The following MIS18A variants were observed in gnomAD, a reference collection of about 807,000 sequenced individuals.
The protein encoded by MIS18A is MIS18 kinetochore protein A.
In MIS18A, 14 loss-of-function variants were observed where a neutral mutation model predicts 25.0. That is an observed-to-expected ratio of 0.56 (90% CI 0.37 to 0.88). The LOEUF (loss-of-function observed/expected upper bound fraction) is 0.88, where lower values mean the gene tolerates loss of function less well. Among genes scored for constraint, MIS18A ranks in the 40% least tolerant of loss-of-function variants. The probability of loss-of-function intolerance (pLI) is 0.00; values close to 1 mark genes in which losing one functional copy is unlikely to be tolerated. For missense variants in MIS18A, 292 were observed against 290.8 expected, an observed-to-expected ratio of 1.00 and a Z score of -0.03; for synonymous variants, 134 against 118.6, an observed-to-expected ratio of 1.13 and a Z score of -0.84.
At chr21:32,191,035 G>C in the MIS18A span, among the ~76,000 whole-genome samples, 1 of 152,202 alleles carries the variant, frequency 6.6e-6, no homozygotes, top group East Asian at 1.9e-4. Flanking sequence ...ATTATATTTT[G>C]AATGTGTAAC....
the MIS18A span, among the ~76,000 whole-genome samples, chr21:32,235,248 C>T: frequency 6.6e-6 from 1 of 152,212 alleles, no homozygotes; most frequent in Non-Finnish European, 1.5e-5. Context: ...AGGATCTTCA[C>T]CTGAGGCGGC....
chr21:32,252,880 C>T, the MIS18A span, among the ~76,000 whole-genome samples: 5 of 152,178 alleles, frequency 3.3e-5, no homozygotes, highest in Non-Finnish European at 7.3e-5. Context: ...GCATCGTTGG[C>T]AGACAGGTGG....
the MIS18A span, among the ~76,000 whole-genome samples, chr21:32,236,473 TA>T: frequency 2.3e-3 from 1 of 440 alleles, no homozygotes; most frequent in Non-Finnish European, 5.0e-3. Context: ...GTCAAAAAAA[TA>T]AATTCAAAAT....
the MIS18A span, among the ~76,000 whole-genome samples, chr21:32,161,738 C>A: frequency 1.3e-5 from 2 of 148,422 alleles, no homozygotes; most frequent in Non-Finnish European, 3.0e-5. Context: ...GTGATCTGCC[C>A]ACCTTGGCCT....
chr21:32,222,950 A>AG, the MIS18A span, among the ~76,000 whole-genome samples: 2 of 150,308 alleles, frequency 1.3e-5, no homozygotes, highest in African/African-American at 4.9e-5. Flanking sequence ...AAAAAAAAAA[A>AG]AAAAGAAAGA....
At chr21:32,203,720 G>A in the MIS18A span, among the ~76,000 whole-genome samples, 1 of 145,750 alleles carries the variant, frequency 6.9e-6, no homozygotes, top group Non-Finnish European at 1.5e-5. Context: ...GGGCTCAAGT[G>A]ATCCTCCCAC....
the MIS18A span, among the ~76,000 whole-genome samples, chr21:32,175,965 G>A: frequency 6.6e-6 from 1 of 151,782 alleles, no homozygotes; most frequent in African/African-American, 2.4e-5. Flanking sequence ...ATGAGCCTAG[G>A]CCTACACAGA....
intron 1 of MIS18A, chr21:32,278,462 G>C (rs2031859695): frequency 1.8e-6 from 1 of 557,422 alleles, no homozygotes; most frequent in African/African-American, 2.0e-5. Context: ...CTGCTCTTCT[G>C]GGATCGGGGA....
the MIS18A span, among the ~76,000 whole-genome samples, chr21:32,200,242 G>A: frequency 6.6e-6 from 1 of 152,124 alleles, no homozygotes; most frequent in Non-Finnish European, 1.5e-5. Flanking sequence ...AAAAACAGGC[G>A]CTGGGTCCAG....
the MIS18A span, among the ~76,000 whole-genome samples, chr21:32,217,844 T>C: frequency 6.6e-6 from 1 of 152,060 alleles, no homozygotes; most frequent in Non-Finnish European, 1.5e-5. Flanking sequence ...TATCAACCAA[T>C]AATTTTACAT....
the MIS18A span, among the ~76,000 whole-genome samples, chr21:32,235,226 C>T: frequency 6.6e-6 from 1 of 152,198 alleles, no homozygotes; most frequent in African/African-American, 2.4e-5. Context: ...GAATTGTCTT[C>T]AGCGGAATTG....
chr21:32,233,382 G>C, the MIS18A span, among the ~76,000 whole-genome samples: 5 of 151,670 alleles, frequency 3.3e-5, no homozygotes, highest in Admixed American at 2.6e-4. Context: ...CCGTGTAATC[G>C]TAAGAATCTA....
At chr21:32,178,563 G>C in the MIS18A span, among the ~76,000 whole-genome samples, 1 of 152,040 alleles carries the variant, frequency 6.6e-6, no homozygotes, top group Non-Finnish European at 1.5e-5. Flanking sequence ...TTTGAAGACA[G>C]AGTATCTTAA....
the MIS18A span, among the ~76,000 whole-genome samples, chr21:32,226,851 C>A: frequency 6.6e-6 from 1 of 152,026 alleles, no homozygotes; most frequent in East Asian, 1.9e-4. Context: ...AGACAAGTTT[C>A]AATAAATTTA....
At position 32,274,835 on chromosome 21, in the gene MIS18A, A is replaced by T; in HGVS notation, c.396T>A (p.Asn132Lys). 3 of 1,611,118 alleles carry T rather than the reference A, an allele frequency of 1.9e-6. No individual in the cohort carries two copies. In the South Asian group the frequency reaches 3.3e-5, roughly 18 times the overall value. The change falls in exon 2 of 5, where the codon AAT becomes AAA. Residue 132 changes from asparagine to lysine, a missense_variant. Physicochemically the swap from Asn to Lys is moderately conservative, Grantham distance 94. Transcript: ENST00000290130. ...EQKLSKREKE[N>K]GCVLETLCCA... ...ATAAATACAGTTTTACTCACCAACC[A>T]TTTTCCTTTTCACGTTTGGATAGCT...
chr21:32,244,675 T>A, the MIS18A span, among the ~76,000 whole-genome samples: 1 of 152,142 alleles, frequency 6.6e-6, no homozygotes, highest in East Asian at 1.9e-4. Context: ...AGGTTGAGGC[T>A]GCAGTGAGCT....
Position 32,268,796 on chromosome 21 carries a change from T to TG in MIS18A, c.*240_*241insC. 1 of 204,972 alleles carries TG rather than the reference T, an allele frequency of 4.9e-6. No individual in the cohort carries two copies. Among genetic ancestry groups the TG allele is most frequent in the East Asian group, 7.7e-5 (1 of 12,918 alleles). 12.7% of individuals were successfully genotyped at this position (204,972 alleles called of 1,614,324 possible). Reference sequence around the variant, plus strand: ...ATAGAAGTAATTCTACAATTTTGGGTTTTTTTTTTGAGAGAAGGTCTCACT... The same window carrying TG: ...ATAGAAGTAATTCTACAATTTTGGGTGTTTTTTTTTGAGAGAAGGTCTCACT... On this transcript the variant is annotated 3_prime_UTR_variant, in exon 5 of 5. Transcript: ENST00000290130.
At chr21:32,184,357 T>C in the MIS18A span, among the ~76,000 whole-genome samples, 1 of 152,154 alleles carries the variant, frequency 6.6e-6, no homozygotes, top group Non-Finnish European at 1.5e-5. Flanking sequence ...AGGCGACAAA[T>C]AGCATGTCCA....
the MIS18A span, among the ~76,000 whole-genome samples, chr21:32,219,708 C>T: frequency 5.3e-5 from 8 of 152,200 alleles, no homozygotes; most frequent in Non-Finnish European, 7.3e-5. Flanking sequence ...CAGAGCCCAA[C>T]GAGCTAAGAT....
Sources: allele counts gnomAD v4.1 joint callset (sites outside exome capture counted in the v4.1 genomes callset), GRCh38; gene constraint gnomAD v4.1.1; transcripts MANE v1.5; gene names NCBI Gene and HGNC (gene_info 2026-07-23, HGNC 2026-07-21).